Variants in KLHL1 observed in about 807,000 individuals in gnomAD.
KLHL1 encodes kelch-like protein 1.
In KLHL1, 47 loss-of-function variants were observed where a neutral mutation model predicts 77.7. The ratio of observed to expected loss-of-function variants is 0.60; its 90% confidence interval spans 0.48 to 0.77. The LOEUF (loss-of-function observed/expected upper bound fraction) is 0.77. Ranked by LOEUF, KLHL1 falls within the 30% of genes least tolerant of loss-of-function variation. KLHL1 has a pLI of 0.00. For synonymous variants in KLHL1, 360 were observed against 325.2 expected (o/e 1.11, Z -1.15); for missense variants, 925 against 910.8 (o/e 1.02, Z -0.20).
At chr13:69,942,181 T>G (rs1883385135) in intron 3 of KLHL1, among the ~76,000 whole-genome samples, 1 of 152,058 alleles carries the variant, frequency 6.6e-6, no homozygotes, top group Admixed American at 6.6e-5. Flanking sequence ...CATTTATATA[T>G]ATACATATTT....
intron 7 of KLHL1, among the ~76,000 whole-genome samples, chr13:69,786,123 T>C (rs959781054): frequency 2.0e-5 from 3 of 151,934 alleles, no homozygotes; most frequent in African/African-American, 4.8e-5. Context: ...TTCCAATCAA[T>C]AGAAAAAGAG....
chr13:70,084,622 C>CGTTTTTTTTTTTTT (rs1555296089), intron 1 of KLHL1, among the ~76,000 whole-genome samples: 2 of 14,956 alleles, frequency 1.3e-4, no homozygotes, highest in African/African-American at 3.4e-4. Flanking sequence ...CCACGCCAGG[C>CGTTTTTTTTTTTTT]TTTTTTTTTT....
chr13:69,718,767 C>T (rs1350904393), intron 9 of KLHL1, among the ~76,000 whole-genome samples: 1 of 152,058 alleles, frequency 6.6e-6, no homozygotes, highest in African/African-American at 2.4e-5. Flanking sequence ...AGGTGTCATC[C>T]CACTCTAGCT....
intron 1 of KLHL1, among the ~76,000 whole-genome samples, chr13:70,063,757 G>A (rs1886945797): frequency 6.6e-6 from 1 of 151,786 alleles, no homozygotes; most frequent in South Asian, 2.1e-4. Context: ...TACTTCATTG[G>A]TGATAATACA....
intron 3 of KLHL1, 137 bp from the exon 4 acceptor site, chr13:69,940,373 G>A (rs183502363): frequency 8.2e-5 from 47 of 574,572 alleles, no homozygotes; most frequent in Admixed American, 2.4e-4. Flanking sequence ...AATATAACTC[G>A]GTAAAGGTCA....
intron 1 of KLHL1, among the ~76,000 whole-genome samples, chr13:69,988,248 G>A (rs1437179642): frequency 2.0e-5 from 3 of 152,012 alleles, no homozygotes; most frequent in African/African-American, 7.2e-5. Flanking sequence ...AGTTTGCTAA[G>A]AATAATGGCC....
chr13:70,053,815 A>G (rs944373003), intron 1 of KLHL1, among the ~76,000 whole-genome samples: 4 of 152,100 alleles, frequency 2.6e-5, no homozygotes, highest in African/African-American at 9.7e-5. Flanking sequence ...GGCGGGCACA[A>G]GAAAGTCATA....
chr13:70,057,782 CAAAAAAA>C (rs60920874), intron 1 of KLHL1, among the ~76,000 whole-genome samples: 3 of 62,272 alleles, frequency 4.8e-5, no homozygotes, highest in Admixed American at 2.3e-4. Flanking sequence ...GACTCCGTCT[CAAAAAAA>C]AAAAAAAAAA....
chr13:70,049,577 T>A (rs1003636225), intron 1 of KLHL1, among the ~76,000 whole-genome samples: 1 of 152,208 alleles, frequency 6.6e-6, no homozygotes, highest in Non-Finnish European at 1.5e-5. Context: ...ATTTATTACA[T>A]ACTAATATAG....
intron 4 of KLHL1, among the ~76,000 whole-genome samples, chr13:69,905,833 T>C (rs1882030031): frequency 6.6e-6 from 1 of 152,054 alleles, no homozygotes. Flanking sequence ...TCACACGACA[T>C]ACTCTCCTTG....
At chr13:69,746,208 T>G (rs1267703195) in intron 7 of KLHL1, among the ~76,000 whole-genome samples, 2 of 151,650 alleles carry the variant, frequency 1.3e-5, no homozygotes, top group Non-Finnish European at 3.0e-5. Context: ...TAATCCACAT[T>G]TTTTGTATTT....
At chr13:70,106,259 A>G (rs1888053863) in intron 1 of KLHL1, among the ~76,000 whole-genome samples, 2 of 151,962 alleles carry the variant, frequency 1.3e-5, no homozygotes, top group African/African-American at 4.8e-5. Context: ...TCATTTTCCT[A>G]TATTTCTCCT....
intron 7 of KLHL1, among the ~76,000 whole-genome samples, chr13:69,791,496 C>G (rs1318311626): frequency 6.6e-6 from 1 of 151,820 alleles, no homozygotes; most frequent in East Asian, 1.9e-4. Context: ...AAAATAAAAA[C>G]CAAAGACAGT....
chr13:69,944,196 C>A (rs1235363840), intron 3 of KLHL1, among the ~76,000 whole-genome samples: 3 of 152,154 alleles, frequency 2.0e-5, no homozygotes, highest in African/African-American at 7.2e-5. Context: ...TTCTGGGAGT[C>A]TGAAATTTTG....
At chr13:70,087,946 C>T (rs942916518) in intron 1 of KLHL1, among the ~76,000 whole-genome samples, 2 of 152,024 alleles carry the variant, frequency 1.3e-5, no homozygotes, top group Non-Finnish European at 2.9e-5. Flanking sequence ...GGGAGAGCAT[C>T]ATGATAAATA....
chr13:69,720,475 T>C (rs558623741), intron 8 of KLHL1, among the ~76,000 whole-genome samples: 1 of 152,202 alleles, frequency 6.6e-6, no homozygotes, highest in East Asian at 1.9e-4. Context: ...AAAAAATCCA[T>C]GCACTCAATT....
intron 6 of KLHL1, among the ~76,000 whole-genome samples, chr13:69,809,771 A>C (rs1285461956): frequency 6.6e-6 from 1 of 152,036 alleles, no homozygotes; most frequent in African/African-American, 2.4e-5. Context: ...AAAAAAACAA[A>C]TAACAAGACC....
At chr13:69,993,889 T>C (rs1885085845) in intron 1 of KLHL1, among the ~76,000 whole-genome samples, 1 of 152,098 alleles carries the variant, frequency 6.6e-6, no homozygotes, top group African/African-American at 2.4e-5. Flanking sequence ...CCTAACATGT[T>C]TGAGAAATAT....
At chr13:69,878,874 G>T (rs945028173) in intron 5 of KLHL1, among the ~76,000 whole-genome samples, 1 of 151,996 alleles carries the variant, frequency 6.6e-6, no homozygotes, top group African/African-American at 2.4e-5. Flanking sequence ...ATGATAGACT[G>T]GATTAAGAAA....
Sources: gnomAD v4.1 joint callset for allele counts (sites outside exome capture counted in the v4.1 genomes callset) on GRCh38, gnomAD v4.1.1 for gene constraint, MANE v1.5 for transcripts, NCBI Gene and HGNC (gene_info 2026-07-23, HGNC 2026-07-21) for gene names.